PPFIA2: variants seen among roughly 807,000 people sequenced by gnomAD.
The protein encoded by PPFIA2 is liprin-alpha-2.
Under a neutral mutation model 175.5 loss-of-function variants are expected in PPFIA2, and 46 were observed. The ratio of observed to expected loss-of-function variants is 0.26; its 90% CI spans 0.21 to 0.34. The LOEUF (loss-of-function observed/expected upper bound fraction) is 0.34, where lower values mean the gene tolerates loss of function less well. Among genes scored for constraint, PPFIA2 ranks in the 10% least tolerant of loss-of-function variants. The probability of loss-of-function intolerance (pLI) is 1.00; values close to 1 mark genes in which losing one functional copy is unlikely to be tolerated. For synonymous variants in PPFIA2, 568 were observed against 511.4 expected (o/e 1.11, Z -1.49); for missense variants, 1,179 against 1,506.1 (o/e 0.78, Z 3.60).
chr12:81,447,314 A>G (rs2051478016), intron 5 of PPFIA2, among the ~76,000 whole-genome samples: 1 of 152,148 alleles, frequency 6.6e-6, no homozygotes, highest in African/African-American at 2.4e-5. Context: ...GGAGATTTGC[A>G]TGAACTTAAT....
chr12:81,605,394 G>C lies in PPFIA2; in HGVS notation c.303+71397C>G, dbSNP rs567203487. 1.6e-3 allele frequency among the ~76,000 whole-genome samples: 246 copies of C among 151,756 alleles called. 1 individual carries two copies. The highest frequency in any genetic ancestry group is 4.7e-3 in the African/African-American group (195 of 41,488). On this transcript the variant is annotated intron_variant, in intron 4 of 32. Coordinates refer to ENST00000549396, the MANE Select transcript of PPFIA2 (RefSeq NM_003625.5). ...GAGACAGATGAAAGTAGGTAAATGG[G>C]AAAGATGAAGGTGAGAGAGAAAAGG...
rs73360699 is a variant in PPFIA2 at position 81,559,402 on chromosome 12, T to C, written c.304-101536A>G. Among the ~76,000 whole-genome samples, 1,324 of 152,298 alleles carry C rather than the reference T, an allele frequency of 8.7e-3. 14 individuals carry two copies. The highest frequency in any genetic ancestry group is 0.03 in the African/African-American group (1,256 of 41,566). ...ACACAATATTGTCATTCCAGAGTTG[T>C]TGTGTGTTATGGGTCCTTCAAAGGA... On this transcript the variant is annotated intron_variant, in intron 4 of 32. Transcript: ENST00000549396.
rs564485332 is a variant in PPFIA2 at position 81,437,864 on chromosome 12, T to G, written c.645+2108A>C. ...ATCTCTTTCAAAGACTGTGTACTCC[T>G]TCTCATTACCTATTATTCCAGAGGT... On this transcript the variant is annotated intron_variant, in intron 7 of 32. Transcript: ENST00000549396. Among the ~76,000 whole-genome samples, 17 of 152,094 alleles carry G rather than the reference T, an allele frequency of 1.1e-4. No homozygotes were observed. The South Asian group carries it at 3.5e-3, about 32-fold the overall frequency.
chr12:81,476,465 T>C (rs1593591861), intron 4 of PPFIA2, among the ~76,000 whole-genome samples: 1 of 152,310 alleles, frequency 6.6e-6, no homozygotes, highest in East Asian at 1.9e-4. Flanking sequence ...AGTTACCTAG[T>C]TTGTGAGACA....
At chr12:81,450,466 C>T (rs1292134848) in intron 5 of PPFIA2, among the ~76,000 whole-genome samples, 5 of 152,252 alleles carry the variant, frequency 3.3e-5, no homozygotes, top group Non-Finnish European at 4.4e-5. Context: ...GTATCCTTCG[C>T]CCACTTTTTG....
intron 27 of PPFIA2, among the ~76,000 whole-genome samples, chr12:81,280,268 G>A (rs1376672507): frequency 6.6e-6 from 1 of 151,932 alleles, no homozygotes; most frequent in East Asian, 1.9e-4. Flanking sequence ...GTTAAATTAT[G>A]GATTCTCCAT....
chr12:81,579,951 T>C (rs2074153310), intron 4 of PPFIA2, among the ~76,000 whole-genome samples: 2 of 151,834 alleles, frequency 1.3e-5, no homozygotes, highest in African/African-American at 2.4e-5. Flanking sequence ...CATTCTGAAG[T>C]TCGAGAATCA....
chr12:81,743,113 G>C (rs531681500), intron 3 of PPFIA2, among the ~76,000 whole-genome samples: 1 of 151,720 alleles, frequency 6.6e-6, no homozygotes, highest in African/African-American at 2.4e-5. Context: ...AAGAACAGAC[G>C]TAGCCAATTA....
intron 8 of PPFIA2, among the ~76,000 whole-genome samples, chr12:81,388,258 G>T (rs1325780288): frequency 6.6e-6 from 1 of 152,100 alleles, no homozygotes; most frequent in African/African-American, 2.4e-5. Flanking sequence ...AAAAATAGAA[G>T]AAACTATTGT....
intron 4 of PPFIA2, among the ~76,000 whole-genome samples, chr12:81,587,333 C>T (rs1010233624): frequency 2.0e-5 from 3 of 151,880 alleles, no homozygotes; most frequent in African/African-American, 7.2e-5. Context: ...GACAGTTCTT[C>T]CTTCACACTT....
chr12:81,584,998 TATATTAATTATATTTATATATA>T (rs1245601913), intron 4 of PPFIA2, among the ~76,000 whole-genome samples: 139 of 115,570 alleles, frequency 1.2e-3, no homozygotes, highest in African/African-American at 4.6e-3. Context: ...TTATATATAA[TATATTAATTATATTTATATATA>T]ATATATTAAT....
chr12:81,447,113 A>G (rs571281152), intron 5 of PPFIA2, among the ~76,000 whole-genome samples: 16 of 152,236 alleles, frequency 1.1e-4, no homozygotes, highest in Non-Finnish European at 1.9e-4. Context: ...CCTGGCTAAC[A>G]CAGTGAAACC....
At chr12:81,719,187 C>T (rs903889335) in intron 3 of PPFIA2, among the ~76,000 whole-genome samples, 1 of 151,616 alleles carries the variant, frequency 6.6e-6, no homozygotes, top group African/African-American at 2.4e-5. Flanking sequence ...CATGTTAGTA[C>T]TGGACTTCAT....
intron 4 of PPFIA2, among the ~76,000 whole-genome samples, chr12:81,630,475 T>C (rs935253728): frequency 2.0e-5 from 3 of 152,194 alleles, no homozygotes; most frequent in African/African-American, 7.2e-5. Context: ...AAGTATATGA[T>C]GAAGAATTCC....
At chr12:81,447,736 T>G (rs1266556241) in intron 5 of PPFIA2, among the ~76,000 whole-genome samples, 2 of 152,200 alleles carry the variant, frequency 1.3e-5, no homozygotes, top group African/African-American at 4.8e-5. Context: ...TGATCCTCTC[T>G]GGATTTGGGT....
intron 3 of PPFIA2, among the ~76,000 whole-genome samples, chr12:81,691,902 CT>C (rs1221126563): frequency 3.9e-5 from 6 of 152,006 alleles, no homozygotes; most frequent in African/African-American, 1.4e-4. Flanking sequence ...GATAGGAAGA[CT>C]CTAAAATGGT....
chr12:81,551,819 C>G lies in PPFIA2; in HGVS notation c.304-93953G>C, dbSNP rs562532191. Among the ~76,000 whole-genome samples the G allele has an allele frequency of 3.3e-5, 5 of 151,946 alleles. No homozygotes were observed. The South Asian group carries it at 8.3e-4, about 25-fold the overall frequency. ...TTTACGACCTCCTTAATTACAATCTCTGTTTTATTCACTCATTCTCAAAAA... is the reference window on the plus strand; with the variant it reads ...TTTACGACCTCCTTAATTACAATCTGTGTTTTATTCACTCATTCTCAAAAA... On this transcript the variant is annotated intron_variant, in intron 4 of 32. Coordinates refer to ENST00000549396, the MANE Select transcript of PPFIA2 (RefSeq NM_003625.5).
At chr12:81,447,005 G>A (rs1189734671) in intron 5 of PPFIA2, among the ~76,000 whole-genome samples, 1 of 151,960 alleles carries the variant, frequency 6.6e-6, no homozygotes. Flanking sequence ...CACATTTAAG[G>A]ATCAAACTAA....
chr12:81,300,449 T>C (rs1238021701), intron 22 of PPFIA2, among the ~76,000 whole-genome samples: 1 of 152,172 alleles, frequency 6.6e-6, no homozygotes, highest in Admixed American at 6.6e-5. Flanking sequence ...TGGTAGACTA[T>C]ATTAATACAT....
Sources: allele counts gnomAD v4.1 joint callset (sites outside exome capture counted in the v4.1 genomes callset), GRCh38; gene constraint gnomAD v4.1.1; transcripts MANE v1.5; gene names NCBI Gene and HGNC (gene_info 2026-07-23, HGNC 2026-07-21).